Variants in ANKFY1 observed in about 807,000 individuals in gnomAD.
The protein encoded by ANKFY1 is ankyrin repeat and FYVE domain-containing protein 1.
ANKFY1 carries 47 observed loss-of-function variants against 128.3 expected under a neutral mutation model. The ratio of observed to expected loss-of-function variants is 0.37; its 90% confidence interval spans 0.29 to 0.47. The LOEUF (loss-of-function observed/expected upper bound fraction) is 0.47, where lower values mean the gene tolerates loss of function less well. Among genes scored for constraint, ANKFY1 ranks in the 20% least tolerant of loss-of-function variants. The pLI is 1.00. For synonymous variants in ANKFY1, 553 were observed against 601.6 expected (o/e 0.92, Z 1.18); for missense variants, 1,222 against 1,510.6 (o/e 0.81, Z 3.17).
intron 1 of ANKFY1, among the ~76,000 whole-genome samples, chr17:4,261,454 TG>T (rs762787362): frequency 1.3e-5 from 2 of 152,180 alleles, no homozygotes; most frequent in Non-Finnish European, 2.9e-5. Context: ...CACTCCCGCC[TG>T]GGCAACAGAG....
Position 4,169,639 on chromosome 17 carries a change from G to A in ANKFY1, c.3287-351C>T, listed in dbSNP as rs951934867. Among the ~76,000 whole-genome samples the A allele has an allele frequency of 6.6e-6, 1 of 152,106 alleles. No homozygotes were observed. Among genetic ancestry groups the A allele is most frequent in the Non-Finnish European group, 1.5e-5 (1 of 68,022 alleles). On this transcript the variant is annotated intron_variant, in intron 23 of 24. Coordinates refer to ENST00000341657, the MANE Select transcript of ANKFY1 (RefSeq NM_001330063.2). This position sits in a 1 kb window ranked among gnomAD's most constrained non-coding sequence, Gnocchi z 5.0. ...AAACTGGCCAGGGGAACAGAGGATG[G>A]GACTAAGACAAGAGAAATTGAGGAG...
intron 3 of ANKFY1, among the ~76,000 whole-genome samples, chr17:4,234,679 A>AT (rs1267627624): frequency 2.0e-5 from 3 of 151,848 alleles, no homozygotes; most frequent in African/African-American, 7.3e-5. Context: ...TGTCCAGCTA[A>AT]TTTTTTCTTT....
chr17:4,246,518 T>G (rs1967550887), intron 1 of ANKFY1, among the ~76,000 whole-genome samples: 1 of 152,222 alleles, frequency 6.6e-6, no homozygotes, highest in African/African-American at 2.4e-5. Flanking sequence ...CTATAGTATA[T>G]ACCACATCTT....
At chr17:4,205,473 T>C (rs1268502267) in intron 7 of ANKFY1, among the ~76,000 whole-genome samples, 1 of 152,134 alleles carries the variant, frequency 6.6e-6, no homozygotes, top group Non-Finnish European at 1.5e-5. Context: ...GAGGACGCGG[T>C]GGCTCACGCC....
intron 1 of ANKFY1, among the ~76,000 whole-genome samples, chr17:4,259,047 G>A (rs1359530757): frequency 6.6e-6 from 1 of 152,182 alleles, no homozygotes; most frequent in East Asian, 1.9e-4. Context: ...CAGGCGCTGT[G>A]GGAAAAGCAT....
At chr17:4,216,799 A>T in intron 4 of ANKFY1, 184 bp downstream of exon 4, 1 of 749,406 alleles carries the variant, frequency 1.3e-6, no homozygotes, top group Non-Finnish European at 2.2e-6. Flanking sequence ...CAAAAGCTTT[A>T]GCAAAATTTA....
chr17:4,249,370 T>A (rs1397137823), intron 1 of ANKFY1, among the ~76,000 whole-genome samples: 1 of 152,224 alleles, frequency 6.6e-6, no homozygotes, highest in Non-Finnish European at 1.5e-5. Flanking sequence ...ATTGTTTTGA[T>A]TTTTCTTCAA....
At position 4,169,729 on chromosome 17, in the gene ANKFY1, C is replaced by A. The variant is rs78859204; in HGVS notation, c.3287-441G>T. 4.9e-3 allele frequency among the ~76,000 whole-genome samples: 744 copies of A among 152,284 alleles called. 5 individuals carry two copies. Among genetic ancestry groups the A allele is most frequent in the African/African-American group, 0.017 (724 of 41,554 alleles). ...TGTGAGCGGGAGCAGGCAGAAGACA[C>A]GGGTGATTTCCAGGCTTCCGGAGAG... On this transcript the variant is annotated intron_variant, in intron 23 of 24. Transcript: ENST00000341657. The surrounding 1 kb of genome is among the most constrained non-coding windows in gnomAD (Gnocchi z 5.0).
At chr17:4,250,624 T>C (rs148109989) in intron 1 of ANKFY1, among the ~76,000 whole-genome samples, 16 of 152,196 alleles carry the variant, frequency 1.1e-4, no homozygotes, top group African/African-American at 3.6e-4. Flanking sequence ...ACCTTCCCAA[T>C]AAAAATCCCA....
intron 15 of ANKFY1, 148 bp downstream of exon 15, chr17:4,182,033 T>C: frequency 2.4e-6 from 2 of 823,200 alleles, no homozygotes; most frequent in Non-Finnish European, 3.4e-6. Context: ...AACTGCAAGT[T>C]TCTTTAACAT....
chr17:4,179,545 G>A (rs953441736), intron 17 of ANKFY1, 176 bp downstream of exon 17: 2 of 789,094 alleles, frequency 2.5e-6, no homozygotes, highest in African/African-American at 1.7e-5. Context: ...TTGTAGTAAG[G>A]ACAAAGGCAC....
chr17:4,257,934 G>C (rs1169819011), intron 1 of ANKFY1, among the ~76,000 whole-genome samples: 3 of 152,234 alleles, frequency 2.0e-5, no homozygotes, highest in Non-Finnish European at 4.4e-5. Context: ...TGTAAATCAT[G>C]ATAGTATCTC....
chr17:4,172,888 C>G (rs1055679734), intron 21 of ANKFY1, among the ~76,000 whole-genome samples: 1 of 152,226 alleles, frequency 6.6e-6, no homozygotes, highest in Non-Finnish European at 1.5e-5. Context: ...GAGACGGAGT[C>G]TCGCTCTGTC....
chr17:4,190,133 A>G (rs2059691393), intron 10 of ANKFY1, among the ~76,000 whole-genome samples: 1 of 152,178 alleles, frequency 6.6e-6, no homozygotes, highest in Non-Finnish European at 1.5e-5. Context: ...CTGAACTTAA[A>G]GACAATTAGA....
chr17:4,192,722 T>A (rs914355597), intron 10 of ANKFY1, among the ~76,000 whole-genome samples: 2 of 152,234 alleles, frequency 1.3e-5, no homozygotes, highest in Non-Finnish European at 2.9e-5. Flanking sequence ...AGATAACCCA[T>A]GACTGCCAAA....
chr17:4,175,123 A>C (rs993396759), intron 19 of ANKFY1, among the ~76,000 whole-genome samples: 1 of 151,264 alleles, frequency 6.6e-6, no homozygotes, highest in African/African-American at 2.4e-5. Context: ...GCTTCAGCCC[A>C]GAAGTTCGAG....
At chr17:4,186,853 T>C in intron 11 of ANKFY1, 1 of 1,011,382 alleles carries the variant, frequency 9.9e-7, no homozygotes. Flanking sequence ...CCAGCCCCAT[T>C]CTTGCATCTA....
chr17:4,212,760 G>A (rs569802991), intron 4 of ANKFY1, among the ~76,000 whole-genome samples: 2 of 149,582 alleles, frequency 1.3e-5, no homozygotes, highest in East Asian at 3.9e-4. Flanking sequence ...TGGGCAGAAT[G>A]CAGAACACAC....
intron 14 of ANKFY1, among the ~76,000 whole-genome samples, chr17:4,182,789 T>C (rs1037348147): frequency 6.6e-6 from 1 of 152,218 alleles, no homozygotes; most frequent in Non-Finnish European, 1.5e-5. Context: ...CATTCTTCAT[T>C]GTAACTGAAA....
Sources: allele counts gnomAD v4.1 joint callset (sites outside exome capture counted in the v4.1 genomes callset), GRCh38; gene constraint gnomAD v4.1.1; non-coding constraint Gnocchi (gnomAD v3.1); transcripts MANE v1.5; gene names NCBI Gene and HGNC (gene_info 2026-07-23, HGNC 2026-07-21).